NCOR1: variants seen among roughly 807,000 people sequenced by gnomAD.
NCOR1 encodes the protein nuclear receptor corepressor 1, also known as protein phosphatase 1, regulatory subunit 109.
A neutral mutation model predicts 288.1 loss-of-function variants in NCOR1; 63 were observed. The observed-to-expected ratio is 0.22, with a 90% CI of 0.18 to 0.27. NCOR1 has a LOEUF of 0.27. Among genes scored for constraint, NCOR1 ranks in the 10% least tolerant of loss-of-function variants. The pLI is 1.00. For missense variants in NCOR1, 2,397 were observed against 3,019.2 expected, an observed-to-expected ratio of 0.79 and a Z score of 4.83; for synonymous variants, 1,007 against 1,065.9, an observed-to-expected ratio of 0.94 and a Z score of 1.08.
intron 1 of NCOR1, among the ~76,000 whole-genome samples, chr17:16,211,321 C>T (rs1407489039): frequency 6.6e-6 from 1 of 151,724 alleles, no homozygotes; most frequent in Non-Finnish European, 1.5e-5. Context: ...AGTGCACTGG[C>T]ATGATCATGG....
chr17:16,184,740 C>T (rs186744347), intron 3 of NCOR1, among the ~76,000 whole-genome samples: 61 of 152,160 alleles, frequency 4.0e-4, no homozygotes, highest in Non-Finnish European at 5.4e-4. Flanking sequence ...ATGAAATCAC[C>T]ATCTTGTAAA....
Position 16,102,316 on chromosome 17 carries a change from CTT to C in NCOR1, c.2183-561_2183-560del, listed in dbSNP as rs754002590. ...AATTTTTTGGAGATGGGGTTTTGCT[CTT>C]GTTACCCAGGCTGGAGTGCAATGGT... On this transcript the variant is annotated intron_variant, in intron 19 of 45. Transcript: ENST00000268712. Among the ~76,000 whole-genome samples the C allele has an allele frequency of 1.3e-4, 19 of 151,946 alleles. 1 individual carries two copies. The highest frequency in any genetic ancestry group is 1.7e-4 in the African/African-American group (7 of 41,360).
At chr17:16,170,139 A>G (rs1020462974) in intron 4 of NCOR1, among the ~76,000 whole-genome samples, 14 of 64,202 alleles carry the variant, frequency 2.2e-4, no homozygotes, top group East Asian at 5.5e-4. Flanking sequence ...GTGTGTGTGT[A>G]TAACTTCATT....
In NCOR1 at chr17:16,055,081, G is replaced by A. The variant is rs138682199; in HGVS notation, c.6392+2433C>T. Among the ~76,000 whole-genome samples the A allele has an allele frequency of 6.4e-3, 969 of 152,328 alleles. 18 individuals carry two copies. Among genetic ancestry groups the A allele is most frequent in the African/African-American group, 0.022 (901 of 41,568 alleles). On this transcript the variant is annotated intron_variant, in intron 40 of 45. Coordinates refer to ENST00000268712, the MANE Select transcript of NCOR1 (RefSeq NM_006311.4). Reference sequence around the variant, plus strand: ...ACACTTATACACTGTTGGTGGGAGTGTAAATTAGTTCAACCACTGTGGAAG... The same window carrying A: ...ACACTTATACACTGTTGGTGGGAGTATAAATTAGTTCAACCACTGTGGAAG...
At chr17:16,081,174 T>TC (rs914358320) in intron 23 of NCOR1, among the ~76,000 whole-genome samples, 3 of 150,292 alleles carry the variant, frequency 2.0e-5, no homozygotes, top group African/African-American at 4.9e-5. Context: ...TCAACCTTTT[T>TC]TTTTCTTTTC....
chr17:16,206,291 T>C (rs1456798510), intron 1 of NCOR1, among the ~76,000 whole-genome samples: 1 of 150,372 alleles, frequency 6.7e-6, no homozygotes, highest in East Asian at 1.9e-4. Context: ...TGTGCATAAA[T>C]ATTCACACAC....
chr17:16,143,124 T>G (rs1170302695), intron 11 of NCOR1, among the ~76,000 whole-genome samples: 1 of 152,194 alleles, frequency 6.6e-6, no homozygotes, highest in Non-Finnish European at 1.5e-5. Context: ...CAGGTTCACT[T>G]GCTAGACAAC....
At chr17:16,147,738 C>A (rs1315611290) in intron 9 of NCOR1, among the ~76,000 whole-genome samples, 1 of 152,196 alleles carries the variant, frequency 6.6e-6, no homozygotes, top group Admixed American at 6.5e-5. Context: ...TCTACTGCTA[C>A]CCTTATAATC....
rs759112276 is a variant in NCOR1 at position 16,079,954 on chromosome 17, C to A, written c.3501+10G>T. 61 of 1,603,562 alleles carry A rather than the reference C, an allele frequency of 3.8e-5. No individual in the cohort carries two copies. The highest frequency in any genetic ancestry group is 5.2e-5 in the Non-Finnish European group (61 of 1,170,986). On this transcript the variant is annotated intron_variant, in intron 26 of 45. Transcript: ENST00000268712. ...TTCTGTTGAGTATATCAGAGATGAT[C>A]GTGACTAACCTGAGTGATAGAGCCC... is the stretch of plus-strand genomic sequence containing the variant.
At chr17:16,039,027 C>A (rs373688637) in intron 44 of NCOR1, among the ~76,000 whole-genome samples, 29 of 152,338 alleles carry the variant, frequency 1.9e-4, no homozygotes, top group South Asian at 1.4e-3. Flanking sequence ...CCTCCGCCCC[C>A]CAAAGTGCTG....
In NCOR1 at chr17:16,165,116, A is replaced by G; in HGVS notation, c.481T>C (p.Ser161Pro). 3.1e-6 allele frequency: 5 copies of G among 1,609,264 alleles called. No homozygotes were observed. The highest frequency in any genetic ancestry group is 4.2e-6 in the Non-Finnish European group (5 of 1,179,008). ...TGATCATCTCCACATGGTTGCCCCG[A>G]AATTGGAGAGGATGGAGCTTCATGT... ...GKHEAPSSPI[S>P]GQPCGDDQNA... The change falls in exon 5 of 46, where the codon TCG (serine) becomes CCG (proline). Residue 161 changes from serine to proline, a missense_variant. Ser to Pro is a moderately conservative substitution (Grantham distance 74). Coordinates refer to ENST00000268712, the MANE Select transcript of NCOR1 (RefSeq NM_006311.4).
chr17:16,120,410 C>T (rs2072745561), intron 16 of NCOR1, among the ~76,000 whole-genome samples: 1 of 152,094 alleles, frequency 6.6e-6, no homozygotes, highest in South Asian at 2.1e-4. Flanking sequence ...TATCTTTCCT[C>T]CTCCTATCTA....
At chr17:16,169,505 C>T (rs566911841) in intron 4 of NCOR1, among the ~76,000 whole-genome samples, 4 of 151,984 alleles carry the variant, frequency 2.6e-5, no homozygotes, top group Admixed American at 2.6e-4. Flanking sequence ...TGGAGGTGGG[C>T]AGTTGGGAGA....
At chr17:16,085,254 G>C (rs890013638) in intron 23 of NCOR1, among the ~76,000 whole-genome samples, 2 of 152,148 alleles carry the variant, frequency 1.3e-5, no homozygotes, top group African/African-American at 4.8e-5. Context: ...TGACTAAAAT[G>C]ACCAAGACTT....
At chr17:16,130,277 A>G (rs1193399618) in intron 14 of NCOR1, among the ~76,000 whole-genome samples, 1 of 152,236 alleles carries the variant, frequency 6.6e-6, no homozygotes, top group Non-Finnish European at 1.5e-5. Context: ...TCTAATTTAA[A>G]CAAGAGATGC....
In NCOR1 at chr17:16,071,629, C is replaced by G; in HGVS notation, c.3932G>C (p.Gly1311Ala). Residue 1311 changes from glycine to alanine, a missense_variant, in exon 30 of 46, where the codon GGC (glycine) becomes GCC (alanine). Around this residue, in one of 11 missense-constraint regions of NCOR1, gnomAD observed 1,872 missense variants for 2,187.8 expected, o/e 0.86. Coordinates refer to ENST00000268712, the MANE Select transcript of NCOR1 (RefSeq NM_006311.4). ...PRATTESFED[G>A]LKYPKQIKRE... The stretch of plus-strand genomic sequence containing the variant: ...TTTAATTTGTTTGGGATATTTAAGG[C>G]CATCTTCAAAGCTTTCAGTTGTTGC... 6.2e-7 allele frequency: 1 copy of G among 1,613,656 alleles called. No individual in the cohort carries two copies. The highest frequency in any genetic ancestry group is 8.5e-7 in the Non-Finnish European group (1 of 1,179,828).
rs780702443 is a variant in NCOR1 at position 16,126,125 on chromosome 17, C to T, written c.1591G>A (p.Glu531Lys). 4 of 1,515,854 alleles carry T rather than the reference C, an allele frequency of 2.6e-6. No homozygotes were observed. Among genetic ancestry groups the T allele is most frequent in the Non-Finnish European group, 3.6e-6 (4 of 1,114,992 alleles). The allele number at this position is 1,515,854 out of a possible 1,614,324, so 93.9% of individuals were successfully genotyped here. ...KAEKTEKKEE[E>K]KKDEEEKDEK... ...TCTTTTTCCTCTTCATCTTTCTTTT[C>T]TTCTTCTTTTTTTTCTGTTTTTTCT... Residue 531 changes from glutamate to lysine, a missense_variant, in exon 15 of 46, where the codon GAA becomes AAA. Glu to Lys is a moderately conservative substitution (Grantham distance 56). This residue lies in a region of NCOR1 where 113 missense variants were observed against 139.5 expected (regional missense o/e 0.81). Coordinates refer to ENST00000268712, the MANE Select transcript of NCOR1 (RefSeq NM_006311.4).
rs192079187 is a variant in NCOR1 at position 16,148,731 on chromosome 17, T to C, written c.909+720A>G. 1.4e-3 allele frequency among the ~76,000 whole-genome samples: 189 copies of C among 135,026 alleles called. 2 individuals are homozygous for C. In the Middle Eastern group the frequency reaches 0.021, roughly 15 times the overall value. 88.6% of individuals were successfully genotyped at this position (135,026 alleles called of 152,430 possible). On this transcript the variant is annotated intron_variant, in intron 9 of 45. Transcript: ENST00000268712. ...AATTTAAGACAGTATCTGATCAGAC[T>C]GGCAAATTAGAACATTAGACGTTTT...
In NCOR1 at chr17:16,039,654, C is replaced by T. The variant is rs1470819892; in HGVS notation, c.6734G>A (p.Gly2245Asp). 6.2e-7 allele frequency: 1 copy of T among 1,612,214 alleles called. No individual in the cohort carries two copies. The highest frequency in any genetic ancestry group is 1.7e-5 in the Admixed American group (1 of 59,726). Reference protein sequence around the residue: ...IFNLPAVTTSGSVSSRGHSFA... With the variant: ...IFNLPAVTTSDSVSSRGHSFA... The stretch of plus-strand genomic sequence containing the variant: ...AGAATGGCCTCTAGAGCTAACTGAG[C>T]CTGAAAGAGAATCAAAAACATTTCC... Residue 2245 changes from glycine (G) to aspartate (D), a missense_variant and splice_region_variant, in exon 44 of 46, where the codon GGC (glycine) becomes GAC (aspartate). This residue lies in a region of NCOR1 where 1,872 missense variants were observed against 2,187.8 expected (regional missense o/e 0.86). Transcript: ENST00000268712.
Sources: gnomAD v4.1 joint callset for allele counts (sites outside exome capture counted in the v4.1 genomes callset) on GRCh38, gnomAD v4.1.1 for gene constraint, gnomAD v4.1.1 regional missense constraint, MANE v1.5 for transcripts, NCBI Gene and HGNC (gene_info 2026-07-23, HGNC 2026-07-21) for gene names.